The following CACNA1A variants were observed in gnomAD, a reference collection of about 807,000 sequenced individuals.
CACNA1A encodes voltage-dependent P/Q-type calcium channel subunit alpha-1A.
CACNA1A carries 57 observed loss-of-function variants against 262.4 expected under a neutral mutation model. That is an observed-to-expected ratio of 0.22 (90% confidence interval 0.18 to 0.27). The LOEUF is 0.27. Ranked by LOEUF, CACNA1A falls within the 10% of genes least tolerant of loss-of-function variation. The pLI is 1.00. For synonymous variants in CACNA1A, 1,431 were observed against 1,419.3 expected (o/e 1.01, Z -0.18); for missense variants, 2,526 against 3,562.8 (o/e 0.71, Z 7.41).
At chr19:13,339,692 T>C (rs1221608736) in intron 6 of CACNA1A, among the ~76,000 whole-genome samples, 1 of 152,148 alleles carries the variant, frequency 6.6e-6, no homozygotes, top group African/African-American at 2.4e-5. Flanking sequence ...TAAGTACAAT[T>C]ACTTGTCAAT....
intron 1 of CACNA1A, among the ~76,000 whole-genome samples, chr19:13,470,584 A>C (rs533407133): frequency 6.6e-6 from 1 of 152,028 alleles, no homozygotes; most frequent in South Asian, 2.1e-4. Context: ...ATGCATTTCG[A>C]TGTATTTTGC....
Position 13,257,283 on chromosome 19 carries a change from TTG to T in CACNA1A, c.4590+65_4590+66del. The T allele has an allele frequency of 2.3e-6, 3 of 1,308,284 alleles. No homozygotes were observed. In the South Asian group the frequency reaches 3.7e-5, roughly 16 times the overall value. 81.0% of individuals were successfully genotyped at this position (1,308,284 alleles called of 1,614,324 possible). A position where few individuals can be genotyped will look rare whatever the true frequency, so the allele number is the denominator to read the frequency against. ...ACCCCTAGAAAGGGGTTCCTGGGTG[TTG>T]TGTGTGTTTTAAAGTTTGTGTGTGT... On this transcript the variant is annotated intron_variant, in intron 28 of 46. Transcript: ENST00000360228.
rs1422254824 is a variant in CACNA1A at position 13,345,321 on chromosome 19, G to A, written c.979-9412C>T. ...AGATGGCATGGGTGGGACTAGACCC[G>A]TCATTCTGGCCTTTACAACCAACTG... On this transcript the variant is annotated intron_variant, in intron 6 of 46. Transcript: ENST00000360228. Among the ~76,000 whole-genome samples, 7 of 152,218 alleles carry A rather than the reference G, an allele frequency of 4.6e-5. No individual in the cohort carries two copies. The East Asian group carries it at 9.7e-4, about 21-fold the overall frequency.
In CACNA1A at chr19:13,299,212, G is replaced by A. The variant is rs1409975447; in HGVS notation, c.2421C>T (p.Tyr807=). The change falls in exon 19 of 47, where the codon TAC becomes TAT. Residue 807 remains tyrosine (Y), a synonymous_variant. Coordinates refer to ENST00000360228, the MANE Select transcript of CACNA1A (RefSeq NM_001127222.2). ...TCATGTCTGGCCGCAGGTGCCGCGT[G>A]TAGGCAGCCTTCCAGCGCTCGTCCG... ...MDPDERWKAA[Y]TRHLRPDMKT... is the part of the protein sequence containing the mutation. The A allele has an allele frequency of 6.2e-7, 1 of 1,611,794 alleles. No individual in the cohort carries two copies. The highest frequency in any genetic ancestry group is 8.5e-7 in the Non-Finnish European group (1 of 1,179,896).
intron 19 of CACNA1A, among the ~76,000 whole-genome samples, chr19:13,288,750 C>A (rs547447904): frequency 6.6e-6 from 1 of 152,130 alleles, no homozygotes; most frequent in South Asian, 2.1e-4. Flanking sequence ...GACAACACAG[C>A]CCTGGTTTCC....
rs1446450476 is a variant in CACNA1A at position 13,233,431 on chromosome 19, A to G, written c.5249+1490T>C. Among the ~76,000 whole-genome samples the G allele has an allele frequency of 2.0e-5, 3 of 152,232 alleles. No homozygotes were observed. In the East Asian group the frequency reaches 5.8e-4, roughly 29 times the overall value. On this transcript the variant is annotated intron_variant, in intron 34 of 46. Coordinates refer to ENST00000360228, the MANE Select transcript of CACNA1A (RefSeq NM_001127222.2). ...ATTCAGTAGCATTAAGTAAGCTCAC[A>G]TTATTATGCAACTATCACCACTATC...
intron 3 of CACNA1A, among the ~76,000 whole-genome samples, chr19:13,444,344 T>TTTG (rs2060773566): frequency 6.6e-6 from 1 of 152,114 alleles, no homozygotes; most frequent in South Asian, 2.1e-4. Flanking sequence ...CTGGTTGTGT[T>TTTG]TTGTTGTTGT....
At chr19:13,465,618 G>T (rs952847253) in intron 1 of CACNA1A, among the ~76,000 whole-genome samples, 1 of 152,066 alleles carries the variant, frequency 6.6e-6, no homozygotes, top group Non-Finnish European at 1.5e-5. Context: ...CTGAATAGCT[G>T]GGACTACAGG....
chr19:13,271,212 C>CTTTTTTT (rs1568481313), intron 24 of CACNA1A: 1 of 96,986 alleles, frequency 1.0e-5, no homozygotes, highest in Non-Finnish European at 2.0e-5. Context: ...AATCATTCTG[C>CTTTTTTT]TGTTTTTTTT....
intron 44 of CACNA1A, 72 bp from the exon 45 acceptor site, chr19:13,209,570 A>G: frequency 8.6e-7 from 1 of 1,161,078 alleles, no homozygotes. Flanking sequence ...TTCCTGCCCC[A>G]TTGTGGCAGC....
At chr19:13,417,067 C>T (rs2060236116) in intron 3 of CACNA1A, among the ~76,000 whole-genome samples, 1 of 152,160 alleles carries the variant, frequency 6.6e-6, no homozygotes, top group South Asian at 2.1e-4. Flanking sequence ...TGATGACCAC[C>T]TCAAAGCTCA....
chr19:13,268,672 G>A (rs951069131), intron 24 of CACNA1A, among the ~76,000 whole-genome samples: 11 of 152,038 alleles, frequency 7.2e-5, no homozygotes, highest in Non-Finnish European at 1.2e-4. Flanking sequence ...TTGACCTCGT[G>A]ATCCGCCCAC....
At chr19:13,259,778 G>C (rs2056680052) in intron 26 of CACNA1A, 77 bp from the exon 27 acceptor site, 1 of 1,511,826 alleles carries the variant, frequency 6.6e-7, no homozygotes, top group Non-Finnish European at 9.0e-7. Flanking sequence ...ATCAGAGACA[G>C]GGGGAGGGAA....
intron 3 of CACNA1A, among the ~76,000 whole-genome samples, chr19:13,450,100 C>A (rs11878757): frequency 7.2e-6 from 1 of 138,820 alleles, no homozygotes; most frequent in Non-Finnish European, 1.5e-5. Context: ...GAGATTGTAC[C>A]ACTGCACTCC....
chr19:13,425,621 C>T (rs964208915), intron 3 of CACNA1A, among the ~76,000 whole-genome samples: 1 of 152,098 alleles, frequency 6.6e-6, no homozygotes, highest in African/African-American at 2.4e-5. Flanking sequence ...ACACTGGTGA[C>T]CTAAATTCTC....
At chr19:13,209,109 G>C in intron 45 of CACNA1A, 100 bp from the exon 46 acceptor site, 2 of 1,488,310 alleles carry the variant, frequency 1.3e-6, no homozygotes, top group Non-Finnish European at 1.8e-6. Flanking sequence ...GGGGGCCCTA[G>C]AGATCCCCTG....
intron 3 of CACNA1A, among the ~76,000 whole-genome samples, chr19:13,379,443 C>T (rs1210240507): frequency 5.3e-5 from 8 of 152,114 alleles, no homozygotes; most frequent in Non-Finnish European, 1.2e-4. Flanking sequence ...GGAACCAAAC[C>T]AGCAGTGTCT....
chr19:13,487,249 T>C (rs749563969), intron 1 of CACNA1A, among the ~76,000 whole-genome samples: 6 of 152,138 alleles, frequency 3.9e-5, no homozygotes, highest in Non-Finnish European at 7.4e-5. Context: ...GAGCAGAACA[T>C]GGACCTGCTG....
chr19:13,330,031 T>TGGGAA (rs2058439495), intron 10 of CACNA1A, among the ~76,000 whole-genome samples: 1 of 152,180 alleles, frequency 6.6e-6, no homozygotes, highest in South Asian at 2.1e-4. Context: ...ATGGGGATCA[T>TGGGAA]TTAGTTGAAT....
Sources: allele counts gnomAD v4.1 joint callset (sites outside exome capture counted in the v4.1 genomes callset), GRCh38; gene constraint gnomAD v4.1.1; transcripts MANE v1.5; gene names NCBI Gene and HGNC (gene_info 2026-07-23, HGNC 2026-07-21).